The following VEPH1 variants were observed in gnomAD, a reference collection of about 807,000 sequenced individuals.
VEPH1 encodes the protein ventricular zone expressed PH domain containing 1, also known as ventricular zone-expressed PH domain-containing protein homolog 1.
Under a neutral mutation model 85.2 loss-of-function variants are expected in VEPH1, and 80 were observed. That is an observed-to-expected ratio of 0.94 (90% CI 0.78 to 1.13). The LOEUF (loss-of-function observed/expected upper bound fraction) is 1.13, where lower values mean the gene tolerates loss of function less well. VEPH1 is among the 50% of genes most tolerant of loss of function. VEPH1 has a pLI of 0.00. For missense variants in VEPH1, 955 were observed against 980.5 expected, an observed-to-expected ratio of 0.97 and a Z score of 0.35; for synonymous variants, 297 against 348.0, an observed-to-expected ratio of 0.85 and a Z score of 1.63.
chr3:157,478,210 G>A (rs776602529), intron 2 of VEPH1, among the ~76,000 whole-genome samples: 8 of 152,216 alleles, frequency 5.3e-5, no homozygotes, highest in East Asian at 3.9e-4. Context: ...GTCCCTTGTC[G>A]TAGGATGACT....
At chr3:157,442,184 C>CT (rs980635619) in intron 4 of VEPH1, among the ~76,000 whole-genome samples, 13 of 152,074 alleles carry the variant, frequency 8.5e-5, no homozygotes, top group African/African-American at 3.1e-4. Context: ...ATTGGCTTTC[C>CT]TTTTTCTCAT....
chr3:157,334,952 G>T (rs1366417831), intron 9 of VEPH1, among the ~76,000 whole-genome samples: 1 of 152,110 alleles, frequency 6.6e-6, no homozygotes, highest in Non-Finnish European at 1.5e-5. Flanking sequence ...ATATTACCTT[G>T]GACAGGTTAT....
intron 4 of VEPH1, among the ~76,000 whole-genome samples, chr3:157,442,172 C>T (rs1390602838): frequency 6.6e-6 from 1 of 152,100 alleles, no homozygotes; most frequent in Admixed American, 6.5e-5. Flanking sequence ...TTGGATAAGA[C>T]AATTGGCTTT....
Position 157,452,034 on chromosome 3 carries a change from A to T in VEPH1, c.529+8147T>A, listed in dbSNP as rs1735008338. The stretch of plus-strand genomic sequence containing the variant: ...ACAATTTATATTTAAAAATTTGGAG[A>T]TTTCAAATATAAGTCAAGAGAAATC... On this transcript the variant is annotated intron_variant, in intron 4 of 13. Transcript: ENST00000362010. Among the ~76,000 whole-genome samples the T allele has an allele frequency of 2.0e-5, 3 of 152,198 alleles. No homozygotes were observed. In the South Asian group the frequency reaches 6.2e-4, roughly 32 times the overall value.
intron 9 of VEPH1, among the ~76,000 whole-genome samples, chr3:157,345,362 G>A (rs1724095502): frequency 6.6e-6 from 1 of 152,124 alleles, no homozygotes; most frequent in African/African-American, 2.4e-5. Context: ...ATCAAAAAGT[G>A]GGCGAAGGAT....
At chr3:157,333,069 T>G (rs1328828981) in intron 9 of VEPH1, among the ~76,000 whole-genome samples, 2 of 152,236 alleles carry the variant, frequency 1.3e-5, no homozygotes, top group African/African-American at 2.4e-5. Context: ...ATTTTTGGAT[T>G]GATTTCAATG....
intron 6 of VEPH1, among the ~76,000 whole-genome samples, chr3:157,409,487 C>A (rs979075673): frequency 6.6e-6 from 1 of 152,120 alleles, no homozygotes; most frequent in African/African-American, 2.4e-5. Flanking sequence ...CACAGTGACA[C>A]AAGCACTATA....
rs1426957907 is a variant in VEPH1 at position 157,286,656 on chromosome 3, G to A, written c.2029C>T (p.Leu677Phe). The change falls in exon 12 of 14, where the codon CTC (leucine) becomes TTC (phenylalanine). Residue 677 changes from leucine to phenylalanine, a missense_variant. By Grantham distance (22) the Leu-to-Phe change is conservative. Transcript: ENST00000362010. ...AAGAACCTCACTTCTTCCAGATGGA[G>A]CTGTACCTGGTCCAGATCCTGTGTC... ...PQQKDLDQVQ[L>F]HLEEVRFFDV... The A allele has an allele frequency of 6.2e-7, 1 of 1,613,956 alleles. No individual in the cohort carries two copies. The highest frequency in any genetic ancestry group is 1.1e-5 in the South Asian group (1 of 91,082).
At chr3:157,321,031 T>TA (rs1454416288) in intron 9 of VEPH1, among the ~76,000 whole-genome samples, 1 of 152,112 alleles carries the variant, frequency 6.6e-6, no homozygotes, top group African/African-American at 2.4e-5. Flanking sequence ...TATATATATA[T>TA]TTTTTGGTTT....
intron 6 of VEPH1, among the ~76,000 whole-genome samples, chr3:157,392,433 C>T (rs1322760024): frequency 1.3e-5 from 2 of 152,112 alleles, no homozygotes; most frequent in Non-Finnish European, 2.9e-5. Context: ...TCAATTACCT[C>T]CCACCGGGTC....
At chr3:157,418,688 C>G (rs1415490522) in intron 5 of VEPH1, among the ~76,000 whole-genome samples, 1 of 121,052 alleles carries the variant, frequency 8.3e-6, no homozygotes, top group Non-Finnish European at 1.9e-5. Flanking sequence ...GGAGAGGACA[C>G]AAACAAATGG....
chr3:157,374,797 A>T lies in VEPH1; in HGVS notation c.1127+6359T>A, dbSNP rs528127760. On this transcript the variant is annotated intron_variant, in intron 7 of 13. Coordinates refer to ENST00000362010, the MANE Select transcript of VEPH1 (RefSeq NM_001167912.2). Reference sequence around the variant, plus strand: ...AAGAGAGGCACAAAGAGGGCATTCTAGAAGGTGATGGTAAAGGTTAGTGGG... The same window carrying T: ...AAGAGAGGCACAAAGAGGGCATTCTTGAAGGTGATGGTAAAGGTTAGTGGG... Among the ~76,000 whole-genome samples, 12 of 152,314 alleles carry T rather than the reference A, an allele frequency of 7.9e-5. No individual in the cohort carries two copies. In the East Asian group the frequency reaches 2.3e-3, roughly 29 times the overall value.
At chr3:157,369,180 G>GAGAAA (rs1727118106) in intron 7 of VEPH1, among the ~76,000 whole-genome samples, 1 of 42,780 alleles carries the variant, frequency 2.3e-5, no homozygotes, top group Non-Finnish European at 4.0e-5. Flanking sequence ...AAAACCAAAT[G>GAGAAA]AAAAAAAAAA....
At chr3:157,356,796 A>G (rs1158283889) in intron 9 of VEPH1, among the ~76,000 whole-genome samples, 1 of 152,224 alleles carries the variant, frequency 6.6e-6, no homozygotes, top group Non-Finnish European at 1.5e-5. Flanking sequence ...GAAGAATAAC[A>G]TTCACTTTAC....
chr3:157,485,947 TA>T lies in VEPH1; in HGVS notation c.138+9264del, dbSNP rs1254978302. Among the ~76,000 whole-genome samples the T allele has an allele frequency of 2.6e-5, 4 of 152,022 alleles. No individual in the cohort carries two copies. In the East Asian group the frequency reaches 7.7e-4, roughly 29 times the overall value. ...CAATCTTTAACTTGTGCATACATAA[TA>T]AAAAAGCCCCTAACAAGCTTGACAA... On this transcript the variant is annotated intron_variant, in intron 2 of 13. Coordinates refer to ENST00000362010, the MANE Select transcript of VEPH1 (RefSeq NM_001167912.2).
chr3:157,294,625 A>G (rs564379378), intron 11 of VEPH1, among the ~76,000 whole-genome samples: 21 of 152,284 alleles, frequency 1.4e-4, no homozygotes, highest in African/African-American at 4.8e-4. Context: ...GAATATTCTT[A>G]CACGTGTTCC....
chr3:157,364,405 A>G lies in VEPH1; in HGVS notation c.1235T>C (p.Phe412Ser), dbSNP rs774266572. Reference protein sequence around the residue: ...HEKLQVKIQAFEDKINAGSNT... With the variant: ...HEKLQVKIQASEDKINAGSNT... ...GCTCCCTGCATTTATCTTGTCTTCA[A>G]AAGCCTGGATTTTAACTTGGAGTTT... is the stretch of plus-strand genomic sequence containing the variant. Residue 412 changes from phenylalanine to serine, a missense_variant, in exon 8 of 14, where the codon TTT becomes TCT. Phe to Ser is a radical substitution (Grantham distance 155, BLOSUM62 -2). Coordinates refer to ENST00000362010, the MANE Select transcript of VEPH1 (RefSeq NM_001167912.2). 1.1e-5 allele frequency: 18 copies of G among 1,613,934 alleles called. No individual in the cohort carries two copies. The highest frequency in any genetic ancestry group is 1.0e-5 in the Non-Finnish European group (12 of 1,179,966).
At position 157,260,626 on chromosome 3, in the gene VEPH1, A is replaced by G. The variant is rs933637890; in HGVS notation, c.*508T>C. On this transcript the variant is annotated 3_prime_UTR_variant, in exon 14 of 14. Coordinates refer to ENST00000362010, the MANE Select transcript of VEPH1 (RefSeq NM_001167912.2). Reference sequence around the variant, plus strand: ...AGTTGTAGTAAGAGAGGATCATGTAATTATATGTCTATAAGTAAGTTATAT... The same window carrying G: ...AGTTGTAGTAAGAGAGGATCATGTAGTTATATGTCTATAAGTAAGTTATAT... 2 of 152,250 alleles carry G rather than the reference A, an allele frequency of 1.3e-5. No individual in the cohort carries two copies. Among genetic ancestry groups the G allele is most frequent in the African/African-American group, 4.8e-5 (2 of 41,442 alleles). The allele number at this position is 152,250 out of a possible 1,614,324, so 9.4% of individuals were successfully genotyped here.
At chr3:157,407,053 G>A (rs978347312) in intron 6 of VEPH1, among the ~76,000 whole-genome samples, 1 of 151,438 alleles carries the variant, frequency 6.6e-6, no homozygotes, top group Non-Finnish European at 1.5e-5. Context: ...GTTGACCCAT[G>A]TTAGGAAAGA....
Sources: allele counts gnomAD v4.1 joint callset (sites outside exome capture counted in the v4.1 genomes callset), GRCh38; gene constraint gnomAD v4.1.1; transcripts MANE v1.5; gene names NCBI Gene and HGNC (gene_info 2026-07-23, HGNC 2026-07-21).